Variants in CLDN14 observed in about 807,000 individuals in gnomAD.
The protein encoded by CLDN14 is claudin-14.
Under a neutral mutation model 2.1 loss-of-function variants are expected in CLDN14, and 2 were observed. The observed-to-expected ratio is 0.96, with a 90% confidence interval of 0.39 to 3.01. The LOEUF (loss-of-function observed/expected upper bound fraction) is 3.01. CLDN14 is among the 30% of genes most tolerant of loss of function. The probability of loss-of-function intolerance (pLI) is 0.09; values close to 1 mark genes in which losing one functional copy is unlikely to be tolerated. For synonymous variants in CLDN14, 136 were observed against 154.4 expected, an observed-to-expected ratio of 0.88 and a Z score of 0.88; for missense variants, 298 against 328.0, an observed-to-expected ratio of 0.91 and a Z score of 0.71.
At chr21:36,564,789 G>T (rs1712421270) in intron 1 of CLDN14, among the ~76,000 whole-genome samples, 1 of 152,196 alleles carries the variant, frequency 6.6e-6, no homozygotes, top group Non-Finnish European at 1.5e-5. Context: ...AGTACCAAGG[G>T]TTCTTAAATG....
chr21:36,476,959 G>A (rs1331948707), intron 1 of CLDN14, among the ~76,000 whole-genome samples: 5 of 152,236 alleles, frequency 3.3e-5, no homozygotes, highest in Non-Finnish European at 7.3e-5. Context: ...GTGCATGGCA[G>A]GTGTGGCTTA....
intron 2 of CLDN14, among the ~76,000 whole-genome samples, chr21:36,502,090 C>A (rs917322525): frequency 6.6e-6 from 1 of 152,252 alleles, no homozygotes; most frequent in Middle Eastern, 3.4e-3. Flanking sequence ...TAACACACCA[C>A]AATGAGCCAA....
In CLDN14 at chr21:36,544,362, C is replaced by T. The variant is rs561233743; in HGVS notation, c.-220+32049G>A. On this transcript the variant is annotated intron_variant, in intron 1 of 2. Transcript: ENST00000342108. This position sits in a 1 kb window ranked among gnomAD's most constrained non-coding sequence, Gnocchi z 4.1. ...AGCCGAGGCTGTCTGACATCCAGAC[C>T]CCATCACAGGGTAGGCCTGCTGGAT... Among the ~76,000 whole-genome samples the T allele has an allele frequency of 1.9e-4, 29 of 152,310 alleles. No individual in the cohort carries two copies. The highest frequency in any genetic ancestry group is 7.0e-4 in the African/African-American group (29 of 41,562).
In CLDN14 at chr21:36,498,536, C is replaced by T. The variant is rs2078202768; in HGVS notation, c.-82+11827G>A. ...GAGATTTCCAGTCTCAGATTGGATACATGCACTTAATATCAGCAGACTTGT... is the reference window on the plus strand; with the variant it reads ...GAGATTTCCAGTCTCAGATTGGATATATGCACTTAATATCAGCAGACTTGT... On this transcript the variant is annotated intron_variant, in intron 2 of 2. Coordinates refer to the CLDN14 transcript ENST00000342108. This position sits in a 1 kb window ranked among gnomAD's most constrained non-coding sequence, Gnocchi z 4.9. Among the ~76,000 whole-genome samples, 1 of 152,146 alleles carries T rather than the reference C, an allele frequency of 6.6e-6. No homozygotes were observed. Among genetic ancestry groups the T allele is most frequent in the Non-Finnish European group, 1.5e-5 (1 of 68,036 alleles).
chr21:36,541,216 G>A lies in CLDN14; in HGVS notation c.-219-30716C>T, dbSNP rs566876833. On this transcript the variant is annotated intron_variant, in intron 1 of 2. Coordinates refer to the CLDN14 transcript ENST00000342108. ...TCTGCAGGATACCTCCTACCTTTCC[G>A]TCAGTCAGTTTATCAATCGGGTACT... 5.9e-5 allele frequency among the ~76,000 whole-genome samples: 9 copies of A among 152,076 alleles called. No individual in the cohort carries two copies. In the East Asian group the frequency reaches 9.6e-4, roughly 16 times the overall value.
At chr21:36,558,374 A>G (rs2087612597) in intron 1 of CLDN14, among the ~76,000 whole-genome samples, 1 of 152,188 alleles carries the variant, frequency 6.6e-6, no homozygotes, top group African/African-American at 2.4e-5. Flanking sequence ...TGCTTTGGGT[A>G]GTATGAATCT....
At chr21:36,476,764 T>G (rs2086785097) in intron 1 of CLDN14, among the ~76,000 whole-genome samples, 1 of 152,234 alleles carries the variant, frequency 6.6e-6, no homozygotes, top group Non-Finnish European at 1.5e-5. Context: ...GGATGACCTT[T>G]GAAAACAAAT....
At chr21:36,565,479 T>C (rs1261608280) in intron 1 of CLDN14, among the ~76,000 whole-genome samples, 1 of 152,116 alleles carries the variant, frequency 6.6e-6, no homozygotes, top group Non-Finnish European at 1.5e-5. Flanking sequence ...AGCTTAAGAT[T>C]TCCTTTCCTG....
chr21:36,562,746 G>A (rs1010478375), intron 1 of CLDN14, among the ~76,000 whole-genome samples: 1 of 151,530 alleles, frequency 6.6e-6, no homozygotes, highest in South Asian at 2.1e-4. Context: ...TTTCCCGCCT[G>A]GGGAATAGGC....
intron 1 of CLDN14, among the ~76,000 whole-genome samples, chr21:36,568,349 G>C (rs918533009): frequency 5.9e-5 from 9 of 152,192 alleles, no homozygotes; most frequent in Admixed American, 5.2e-4. Context: ...CCAAGGTCAT[G>C]CTGATTTCAG....
At chr21:36,464,530 G>A (rs1007609614) in intron 1 of CLDN14, among the ~76,000 whole-genome samples, 1 of 152,152 alleles carries the variant, frequency 6.6e-6, no homozygotes, top group Non-Finnish European at 1.5e-5. Context: ...GGCTAGGGAC[G>A]CCATCACAGT....
chr21:36,566,749 C>T (rs758127069), intron 1 of CLDN14, among the ~76,000 whole-genome samples: 42 of 152,220 alleles, frequency 2.8e-4, no homozygotes, highest in Non-Finnish European at 4.1e-4. Flanking sequence ...ATCTCCAAAA[C>T]CTAAATGAGG....
At chr21:36,474,732 T>A (rs1372387793) in intron 1 of CLDN14, among the ~76,000 whole-genome samples, 1 of 152,000 alleles carries the variant, frequency 6.6e-6, no homozygotes, top group Non-Finnish European at 1.5e-5. Flanking sequence ...ATGAGAGGCA[T>A]GGAAGCATGT....
At position 36,499,064 on chromosome 21, in the gene CLDN14, C is replaced by A. The variant is rs1235267623; in HGVS notation, c.-82+11299G>T. Among the ~76,000 whole-genome samples, 1 of 152,112 alleles carries A rather than the reference C, an allele frequency of 6.6e-6. No homozygotes were observed. The highest frequency in any genetic ancestry group is 2.4e-5 in the African/African-American group (1 of 41,420). On this transcript the variant is annotated intron_variant, in intron 2 of 2. Transcript: ENST00000342108. This position sits in a 1 kb window ranked among gnomAD's most constrained non-coding sequence, Gnocchi z 4.7. ...ATCACCGATATGACAGAAGGGTAAC[C>A]TTTCTGGGGTTGCATCTTAGGAAAT... is the stretch of plus-strand genomic sequence containing the variant.
At chr21:36,541,904 A>G (rs932919714) in intron 1 of CLDN14, among the ~76,000 whole-genome samples, 6 of 150,842 alleles carry the variant, frequency 4.0e-5, no homozygotes, top group East Asian at 1.9e-4. Context: ...CCCCCCCCCA[A>G]TCATGTGTGT....
In CLDN14 at chr21:36,536,438, A is replaced by G. The variant is rs75469066; in HGVS notation, c.-219-25938T>C. Among the ~76,000 whole-genome samples the G allele has an allele frequency of 8.8e-3, 1,345 of 152,376 alleles. 22 individuals carry two copies. Among genetic ancestry groups the G allele is most frequent in the African/African-American group, 0.03 (1,249 of 41,586 alleles). On this transcript the variant is annotated intron_variant, in intron 1 of 2. Coordinates refer to the CLDN14 transcript ENST00000342108. The stretch of plus-strand genomic sequence containing the variant: ...TCTTGGCTTTGACCTTGTGTATTAA[A>G]GAAGCAGCTCAATGAAAATGTTCCG...
At chr21:36,484,232 A>G (rs1256482850), upstream of CLDN14, among the ~76,000 whole-genome samples, 3 of 152,212 alleles carry the variant, frequency 2.0e-5, no homozygotes, top group Non-Finnish European at 4.4e-5. Context: ...CTATTTACGC[A>G]TGCATGTCCA....
chr21:36,543,495 A>G (rs2087506296), intron 1 of CLDN14, among the ~76,000 whole-genome samples: 1 of 152,250 alleles, frequency 6.6e-6, no homozygotes, highest in Non-Finnish European at 1.5e-5. Context: ...TGCTGTGCTT[A>G]GATTCTGCCT....
intron 2 of CLDN14, among the ~76,000 whole-genome samples, chr21:36,496,739 G>A (rs9980394): frequency 0.059 from 90 of 1,534 alleles, 10 homozygotes; most frequent in East Asian, 0.17. Flanking sequence ...GGAAGGGAGG[G>A]AGGAAGGAAG....
Sources: allele counts gnomAD v4.1 joint callset (sites outside exome capture counted in the v4.1 genomes callset), GRCh38; gene constraint gnomAD v4.1.1; non-coding constraint Gnocchi (gnomAD v3.1); transcripts MANE v1.5; gene names NCBI Gene and HGNC (gene_info 2026-07-23, HGNC 2026-07-21).